Variants in ARAP2 observed in about 807,000 individuals in gnomAD.
ARAP2 encodes arf-GAP with Rho-GAP domain, ANK repeat and PH domain-containing protein 2.
Under a neutral mutation model 194.5 loss-of-function variants are expected in ARAP2, and 148 were observed. That is an observed-to-expected ratio of 0.76 (90% CI 0.67 to 0.87). The LOEUF (loss-of-function observed/expected upper bound fraction) is 0.87, where lower values mean the gene tolerates loss of function less well. Ranked by LOEUF, ARAP2 falls within the 40% of genes least tolerant of loss-of-function variation. ARAP2 has a pLI of 0.00. For missense variants in ARAP2, 2,128 were observed against 1,989.7 expected (o/e 1.07, Z -1.32); for synonymous variants, 695 against 683.5 (o/e 1.02, Z -0.26).
At position 36,137,710 on chromosome 4, in the gene ARAP2, G is replaced by C. The variant is rs1193148106; in HGVS notation, c.3264-4321C>G. ...CAACGTGTTTAAGGTATCAGAACTA[G>C]GTAGGAATTGCACATTTGAGCTACT... On this transcript the variant is annotated intron_variant, in intron 19 of 32. Transcript: ENST00000303965. Among the ~76,000 whole-genome samples, 6 of 151,742 alleles carry C rather than the reference G, an allele frequency of 4.0e-5. No individual in the cohort carries two copies. The East Asian group carries it at 1.2e-3, about 30-fold the overall frequency.
At chr4:36,202,386 C>T (rs1172645167) in intron 6 of ARAP2, among the ~76,000 whole-genome samples, 1 of 151,648 alleles carries the variant, frequency 6.6e-6, no homozygotes, top group African/African-American at 2.4e-5. Context: ...TAGCAATTTC[C>T]AAGATTATAT....
chr4:36,039,086 T>A (rs1238590110), intron 5 of ARAP2, among the ~76,000 whole-genome samples: 1 of 152,036 alleles, frequency 6.6e-6, no homozygotes, highest in Non-Finnish European at 1.5e-5. Flanking sequence ...AAAAGGAGAA[T>A]TCGGATATTT....
rs151102014 is a variant in ARAP2 at position 36,128,899 on chromosome 4, T to C, written c.3428-154A>G. Among the ~76,000 whole-genome samples, 71 of 152,144 alleles carry C rather than the reference T, an allele frequency of 4.7e-4. 1 individual carries two copies. The highest frequency in any genetic ancestry group is 1.3e-3 in the African/African-American group (54 of 41,554). ...AAACATGCATGAGCAGGAAAGGCTTTTTACTCCTGATTTTAGTATTTAAAA... is the reference window on the plus strand; with the variant it reads ...AAACATGCATGAGCAGGAAAGGCTTCTTACTCCTGATTTTAGTATTTAAAA... On this transcript the variant is annotated intron_variant, in intron 20 of 32. Coordinates refer to ENST00000303965, the MANE Select transcript of ARAP2 (RefSeq NM_015230.4).
chr4:36,016,706 C>T (rs192040435), intron 6 of ARAP2, among the ~76,000 whole-genome samples: 15 of 152,222 alleles, frequency 9.9e-5, no homozygotes, highest in Admixed American at 5.9e-4. Context: ...CATGATCATG[C>T]GTTACGTTAA....
intron 2 of ARAP2, among the ~76,000 whole-genome samples, chr4:36,217,283 G>A (rs1485384675): frequency 1.3e-5 from 2 of 152,186 alleles, no homozygotes; most frequent in Admixed American, 1.3e-4. Flanking sequence ...AAACCGAGGT[G>A]GGCAGATCAC....
At chr4:36,030,604 T>C (rs1054919333) in intron 5 of ARAP2, among the ~76,000 whole-genome samples, 11 of 152,058 alleles carry the variant, frequency 7.2e-5, no homozygotes, top group African/African-American at 2.7e-4. Flanking sequence ...TTGAGCTACT[T>C]TTAAGGTTTG....
intron 10 of ARAP2, among the ~76,000 whole-genome samples, chr4:36,166,405 G>T (rs1459023738): frequency 3.3e-5 from 5 of 151,754 alleles, no homozygotes; most frequent in African/African-American, 9.7e-5. Context: ...GCAATTAGTA[G>T]AATACCATAA....
Position 36,098,990 on chromosome 4 carries a change from C to T in ARAP2, c.4286-6970G>A, listed in dbSNP as rs566521185. On this transcript the variant is annotated intron_variant, in intron 27 of 32. Coordinates refer to ENST00000303965, the MANE Select transcript of ARAP2 (RefSeq NM_015230.4). Reference sequence around the variant, plus strand: ...GGTTTGCTGCACAGATCAACCCAACCCCTAGGTATTAATGTAAGTACCCAT... The same window carrying T: ...GGTTTGCTGCACAGATCAACCCAACTCCTAGGTATTAATGTAAGTACCCAT... Among the ~76,000 whole-genome samples the T allele has an allele frequency of 1.2e-4, 18 of 151,932 alleles. No individual in the cohort carries two copies. In the East Asian group the frequency reaches 3.5e-3, roughly 30 times the overall value.
At chr4:36,169,481 G>A (rs912012315) in intron 9 of ARAP2, among the ~76,000 whole-genome samples, 1 of 151,890 alleles carries the variant, frequency 6.6e-6, no homozygotes, top group South Asian at 2.1e-4. Flanking sequence ...TAAAATAAGG[G>A]AGTGCTAGCT....
At position 36,176,039 on chromosome 4, in the gene ARAP2, A is replaced by G. The variant is rs565513551; in HGVS notation, c.1857+1788T>C. Among the ~76,000 whole-genome samples, 9 of 152,308 alleles carry G rather than the reference A, an allele frequency of 5.9e-5. No individual in the cohort carries two copies. The South Asian group carries it at 1.4e-3, about 25-fold the overall frequency. On this transcript the variant is annotated intron_variant, in intron 9 of 32. Coordinates refer to ENST00000303965, the MANE Select transcript of ARAP2 (RefSeq NM_015230.4). ...AACTCCTGGGCAACTAAATTATTCA[A>G]TGAAAGAATCCTTAGGCTATTTCTA...
At chr4:36,147,456 G>A in intron 18 of ARAP2, 92 bp downstream of exon 18, 1 of 1,551,446 alleles carries the variant, frequency 6.4e-7, no homozygotes, top group East Asian at 2.3e-5. Context: ...CATAAGTTTG[G>A]GAGTAAGCCA....
intron 21 of ARAP2, among the ~76,000 whole-genome samples, chr4:36,128,040 A>G (rs1724392442): frequency 1.3e-5 from 2 of 152,146 alleles, no homozygotes; most frequent in Non-Finnish European, 2.9e-5. Flanking sequence ...AGTGTATAAC[A>G]AAACTCTATT....
rs753279782 is a variant in ARAP2 at position 36,165,133 on chromosome 4, T to G, written c.1974-20A>C. ...GTAAAGCTGAAACAATTAACGTTTC[T>G]GTGTTATCGATCTCCCTTGTAAAGG... On this transcript the variant is annotated intron_variant, in intron 10 of 32. Transcript: ENST00000303965. 8 of 1,612,872 alleles carry G rather than the reference T, an allele frequency of 5.0e-6. No homozygotes were observed. In the African/African-American group the frequency reaches 9.3e-5, roughly 19 times the overall value.
At chr4:36,022,045 C>A (rs942505224) in intron 5 of ARAP2, among the ~76,000 whole-genome samples, 6 of 152,136 alleles carry the variant, frequency 3.9e-5, no homozygotes, top group African/African-American at 1.4e-4. Context: ...AGTAGCACAA[C>A]CGTAAGTGTT....
Position 36,114,276 on chromosome 4 carries a change from C to G in ARAP2, c.4050G>C (p.Val1350=), listed in dbSNP as rs1362966359. The change falls in exon 26 of 33, where the codon GTG becomes GTC. Residue 1350 remains valine (V), a synonymous_variant. Transcript: ENST00000303965. ...CATTAGTTAATTCTTCTGCTTCCATCACAGGAGATATCTGTAAGAGAAGTA... is the reference window on the plus strand; with the variant it reads ...CATTAGTTAATTCTTCTGCTTCCATGACAGGAGATATCTGTAAGAGAAGTA... ...DCSIIIRISP[V]MEAEELTNDI... 6.4e-7 allele frequency: 1 copy of G among 1,569,668 alleles called. No individual in the cohort carries two copies. Among genetic ancestry groups the G allele is most frequent in the Non-Finnish European group, 8.7e-7 (1 of 1,145,482 alleles).
chr4:36,188,169 T>TA (rs1248796753), intron 7 of ARAP2, among the ~76,000 whole-genome samples: 1 of 152,222 alleles, frequency 6.6e-6, no homozygotes, highest in Non-Finnish European at 1.5e-5. Context: ...AAATTTTGTT[T>TA]AAAAAAGGTC....
In ARAP2 at chr4:36,220,915, T is replaced by C. The variant is rs570310859; in HGVS notation, c.906-6435A>G. 3.9e-3 allele frequency among the ~76,000 whole-genome samples: 600 copies of C among 152,164 alleles called. 5 individuals carry two copies. Among genetic ancestry groups the C allele is most frequent in the African/African-American group, 0.014 (574 of 41,526 alleles). ...GAAGAAAAAAGTATTGCTATAAATC[T>C]AGTGTAGCCTAAGTGTACAGGGTCT... On this transcript the variant is annotated intron_variant, in intron 2 of 32. Coordinates refer to ENST00000303965, the MANE Select transcript of ARAP2 (RefSeq NM_015230.4).
chr4:36,171,734 G>A (rs1459796793), intron 9 of ARAP2, among the ~76,000 whole-genome samples: 1 of 151,966 alleles, frequency 6.6e-6, no homozygotes, highest in Non-Finnish European at 1.5e-5. Flanking sequence ...GGACTAGCTA[G>A]CTCTTGTTAT....
At chr4:36,035,741 C>T (rs2109213445) in intron 5 of ARAP2, among the ~76,000 whole-genome samples, 1 of 152,124 alleles carries the variant, frequency 6.6e-6, no homozygotes, top group South Asian at 2.1e-4. Context: ...TTCAAGATGT[C>T]AAAGATGTTC....
Sources: allele counts gnomAD v4.1 joint callset (sites outside exome capture counted in the v4.1 genomes callset), GRCh38; gene constraint gnomAD v4.1.1; transcripts MANE v1.5; gene names NCBI Gene and HGNC (gene_info 2026-07-23, HGNC 2026-07-21).